The following ANO2 variants were observed in gnomAD, a reference collection of about 807,000 sequenced individuals.
The protein encoded by ANO2 is anoctamin-2.
Under a neutral mutation model 124.2 loss-of-function variants are expected in ANO2, and 101 were observed. The observed-to-expected ratio is 0.81, with a 90% CI of 0.69 to 0.96. ANO2 has a LOEUF of 0.96. Ranked by LOEUF, ANO2 falls within the 40% of genes least tolerant of loss-of-function variation. The pLI is 0.00. For synonymous variants in ANO2, 486 were observed against 482.5 expected, an observed-to-expected ratio of 1.01 and a Z score of -0.09; for missense variants, 1,293 against 1,274.5, an observed-to-expected ratio of 1.01 and a Z score of -0.22.
intron 19 of ANO2, 32 bp downstream of exon 19, chr12:5,612,624 A>T: frequency 6.3e-7 from 1 of 1,588,730 alleles, no homozygotes; most frequent in African/African-American, 1.3e-5. Flanking sequence ...CCCTGGCAGC[A>T]AGGAGAGAGG....
chr12:5,683,444 C>A (rs1361007667), intron 14 of ANO2, among the ~76,000 whole-genome samples: 1 of 152,028 alleles, frequency 6.6e-6, no homozygotes, highest in African/African-American at 2.4e-5. Context: ...AGAGACAAGG[C>A]TTAGACAAGT....
chr12:5,587,929 A>G (rs1310989979), intron 20 of ANO2, among the ~76,000 whole-genome samples: 5 of 152,066 alleles, frequency 3.3e-5, no homozygotes, highest in Non-Finnish European at 7.4e-5. Context: ...ATGTAAATAT[A>G]ATACATCTCC....
At chr12:5,630,266 T>C (rs1945649224) in intron 16 of ANO2, among the ~76,000 whole-genome samples, 1 of 152,236 alleles carries the variant, frequency 6.6e-6, no homozygotes, top group East Asian at 1.9e-4. Context: ...AGCGTGAGAA[T>C]GGCAAACGAA....
intron 20 of ANO2, among the ~76,000 whole-genome samples, chr12:5,585,243 C>A (rs921457724): frequency 3.3e-5 from 5 of 151,946 alleles, no homozygotes; most frequent in African/African-American, 9.7e-5. Flanking sequence ...TCCAAATTCA[C>A]AAAAAACTAC....
Position 5,883,484 on chromosome 12 carries a change from C to A in ANO2, c.535-29343G>T, listed in dbSNP as rs114611921. Reference sequence around the variant, plus strand: ...TCCTAGGGTGGTCTGTGCATGTGTGCGTGTTTGACATTAGGGTGGTGTGTG... The same window carrying A: ...TCCTAGGGTGGTCTGTGCATGTGTGAGTGTTTGACATTAGGGTGGTGTGTG... On this transcript the variant is annotated intron_variant, in intron 3 of 24. Transcript: ENST00000682330. Among the ~76,000 whole-genome samples the A allele has an allele frequency of 4.0e-3, 571 of 142,224 alleles. 6 individuals carry two copies. Among genetic ancestry groups the A allele is most frequent in the African/African-American group, 0.015 (526 of 36,258 alleles). The allele number at this position is 142,224 out of a possible 152,430, so 93.3% of individuals were successfully genotyped here.
intron 23 of ANO2, among the ~76,000 whole-genome samples, chr12:5,567,809 C>T (rs17722920): frequency 6.6e-6 from 1 of 152,226 alleles, no homozygotes; most frequent in Non-Finnish European, 1.5e-5. Context: ...AATTGAGGAT[C>T]TGCAGAAAGA....
intron 16 of ANO2, among the ~76,000 whole-genome samples, chr12:5,634,311 G>A (rs1945888183): frequency 6.6e-6 from 1 of 152,066 alleles, no homozygotes; most frequent in Non-Finnish European, 1.5e-5. Context: ...TTGAGGAGGT[G>A]GTTATCCTAT....
intron 12 of ANO2, among the ~76,000 whole-genome samples, chr12:5,742,285 TTTAATTG>T (rs1304312751): frequency 6.6e-6 from 1 of 152,216 alleles, no homozygotes. Flanking sequence ...TACTATTATT[TTTAATTG>T]TAATTTGTAG....
At position 5,565,634 on chromosome 12, in the gene ANO2, G is replaced by A. The variant is rs1941702981; in HGVS notation, c.2651C>T (p.Ala884Val). 6.2e-7 allele frequency: 1 copy of A among 1,603,370 alleles called. No individual in the cohort carries two copies. The highest frequency in any genetic ancestry group is 8.5e-7 in the Non-Finnish European group (1 of 1,174,828). Residue 884 changes from alanine to valine, a missense_variant, in exon 24 of 25, where the codon GCC becomes GTC. Coordinates refer to ENST00000682330, the MANE Select transcript of ANO2 (RefSeq NM_001364791.2). ...RFKDYREPPW[A>V]PNPYEFSKQY... ...TTTCGAAAACTCATAAGGGTTCGGG[G>A]CCCATGGCGGCTCTCGGTAATCCTT...
intron 14 of ANO2, among the ~76,000 whole-genome samples, chr12:5,695,087 C>A (rs778816509): frequency 2.7e-4 from 41 of 152,160 alleles, no homozygotes; most frequent in Non-Finnish European, 5.3e-4. Flanking sequence ...GGACAACTTT[C>A]AACAGATTTT....
At chr12:5,715,103 T>A (rs943579621) in intron 14 of ANO2, among the ~76,000 whole-genome samples, 5 of 152,088 alleles carry the variant, frequency 3.3e-5, no homozygotes, top group African/African-American at 1.2e-4. Context: ...GTACATGTTG[T>A]AAAGTTGAAA....
chr12:5,719,517 T>C (rs143368338), intron 14 of ANO2, among the ~76,000 whole-genome samples: 1 of 152,148 alleles, frequency 6.6e-6, no homozygotes, highest in African/African-American at 2.4e-5. Flanking sequence ...AATGGATTCA[T>C]GATCTGAAAA....
rs957180397 is a variant in ANO2, at chr12:5,647,665, T to C, written c.1620+62A>G. 4 of 1,232,530 alleles carry C rather than the reference T, an allele frequency of 3.2e-6. No homozygotes were observed. In the African/African-American group the frequency reaches 4.5e-5, roughly 14 times the overall value. 76.3% of individuals were successfully genotyped at this position (1,232,530 alleles called of 1,614,324 possible). A position where few individuals can be genotyped will look rare whatever the true frequency, so the allele number is the denominator to read the frequency against. On this transcript the variant is annotated intron_variant, in intron 15 of 24. Transcript: ENST00000682330. Reference sequence around the variant, plus strand: ...CCATAGCAGAATATAATACCCACAGTAGTCACATAACAGCATCTACATGCA... The same window carrying C: ...CCATAGCAGAATATAATACCCACAGCAGTCACATAACAGCATCTACATGCA...
intron 23 of ANO2, among the ~76,000 whole-genome samples, chr12:5,568,315 G>A (rs1591637561): frequency 6.6e-6 from 1 of 151,696 alleles, no homozygotes; most frequent in African/African-American, 2.4e-5. Context: ...CTAATTTTTT[G>A]TATTTTTAGT....
At chr12:5,866,955 T>C (rs1955442716) in intron 3 of ANO2, among the ~76,000 whole-genome samples, 2 of 152,188 alleles carry the variant, frequency 1.3e-5, no homozygotes, top group African/African-American at 4.8e-5. Context: ...GACCAACAAA[T>C]ACAAGTGATA....
At position 5,612,818 on chromosome 12, in the gene ANO2, C is replaced by T. The variant is rs1286099080; in HGVS notation, c.1987-62G>A. 66 of 1,606,404 alleles carry T rather than the reference C, an allele frequency of 4.1e-5. 1 individual carries two copies. The highest frequency in any genetic ancestry group is 2.3e-4 in the South Asian group (21 of 90,906). The stretch of plus-strand genomic sequence containing the variant: ...AAAAGGGAGCTCTGAGAAGCAGGGG[C>T]GCGAATGAAGCCATGCTGTGCTGGA... On this transcript the variant is annotated intron_variant, in intron 18 of 24. Coordinates refer to ENST00000682330, the MANE Select transcript of ANO2 (RefSeq NM_001364791.2).
chr12:5,903,757 C>T (rs574999510), intron 3 of ANO2, among the ~76,000 whole-genome samples: 20 of 152,124 alleles, frequency 1.3e-4, no homozygotes, highest in African/African-American at 4.8e-4. Flanking sequence ...ACAGATAAAC[C>T]GCAGCCCTTT....
intron 16 of ANO2, among the ~76,000 whole-genome samples, chr12:5,626,504 G>A (rs969410618): frequency 6.6e-6 from 1 of 152,170 alleles, no homozygotes; most frequent in Non-Finnish European, 1.5e-5. Context: ...TGGGGCTAGT[G>A]TCCAGCAGCA....
intron 15 of ANO2, among the ~76,000 whole-genome samples, chr12:5,640,786 C>T (rs1232058156): frequency 6.6e-6 from 1 of 152,194 alleles, no homozygotes; most frequent in Non-Finnish European, 1.5e-5. Context: ...GGAGCGTGAA[C>T]TAGTTCAACG....
Sources: gnomAD v4.1 joint callset for allele counts (sites outside exome capture counted in the v4.1 genomes callset) on GRCh38, gnomAD v4.1.1 for gene constraint, MANE v1.5 for transcripts, NCBI Gene and HGNC (gene_info 2026-07-23, HGNC 2026-07-21) for gene names.